Variants in CLYBL observed in about 807,000 individuals in gnomAD.
The protein encoded by CLYBL is citramalyl-CoA lyase, mitochondrial.
A neutral mutation model predicts 38.9 loss-of-function variants in CLYBL; 31 were observed. The ratio of observed to expected loss-of-function variants is 0.80; its 90% CI spans 0.60 to 1.08. CLYBL has a LOEUF of 1.08. Among genes scored for constraint, CLYBL ranks in the 50% least tolerant of loss-of-function variants. CLYBL has a pLI of 0.00. For synonymous variants in CLYBL, 171 were observed against 158.6 expected (o/e 1.08, Z -0.59); for missense variants, 434 against 411.6 (o/e 1.05, Z -0.47).
intron 1 of CLYBL, among the ~76,000 whole-genome samples, chr13:99,653,501 A>T (rs144948094): frequency 6.6e-6 from 1 of 152,288 alleles, no homozygotes; most frequent in East Asian, 1.9e-4. Context: ...TCCAAAGATC[A>T]TGGTGCTTGT....
intron 1 of CLYBL, among the ~76,000 whole-genome samples, chr13:99,736,723 T>C (rs1007736354): frequency 2.0e-5 from 3 of 152,196 alleles, no homozygotes; most frequent in Non-Finnish European, 4.4e-5. Flanking sequence ...CAGATTTCAC[T>C]GTCACTCCTC....
At chr13:99,634,390 A>T (rs546940348) in intron 1 of CLYBL, among the ~76,000 whole-genome samples, 1 of 152,372 alleles carries the variant, frequency 6.6e-6, no homozygotes, top group Admixed American at 6.5e-5. Flanking sequence ...CCCAGATGAT[A>T]ACTTGGATCT....
In CLYBL at chr13:99,874,316, G is replaced by A. The variant is rs534348982; in HGVS notation, c.927+3254G>A. On this transcript the variant is annotated intron_variant, in intron 7 of 8. Transcript: ENST00000339105. ...AGAAAAATGTTTTTTGAGATACAAC[G>A]TGCATACCATTAATTATTTTAGTTT... Among the ~76,000 whole-genome samples, 41 of 152,210 alleles carry A rather than the reference G, an allele frequency of 2.7e-4. No homozygotes were observed. In the South Asian group the frequency reaches 6.8e-3, roughly 25 times the overall value.
Position 99,859,271 on chromosome 13 carries a change from C to T in CLYBL, c.438+222C>T, listed in dbSNP as rs144158107. Among the ~76,000 whole-genome samples, 491 of 152,328 alleles carry T rather than the reference C, an allele frequency of 3.2e-3. 4 individuals carry two copies. The highest frequency in any genetic ancestry group is 0.011 in the African/African-American group (467 of 41,566). Reference sequence around the variant, plus strand: ...CAACTGCACTTTTGAAATGATGCTTCGCTTCCTAATTGGATGTGTGGTTTG... The same window carrying T: ...CAACTGCACTTTTGAAATGATGCTTTGCTTCCTAATTGGATGTGTGGTTTG... On this transcript the variant is annotated intron_variant, in intron 3 of 8. Coordinates refer to ENST00000339105, the MANE Select transcript of CLYBL (RefSeq NM_206808.5).
chr13:99,726,704 C>G (rs2048479052), intron 1 of CLYBL: 2 of 152,484 alleles, frequency 1.3e-5, no homozygotes, highest in South Asian at 4.1e-4. Context: ...GTGCGTCCCC[C>G]CATGAGCGCC....
chr13:99,900,173 C>A (rs183569955), downstream of CLYBL, among the ~76,000 whole-genome samples: 1 of 145,338 alleles, frequency 6.9e-6, no homozygotes, highest in Non-Finnish European at 1.5e-5. Flanking sequence ...GTGATCCACC[C>A]GCCTCGGCCT....
chr13:99,885,490 AG>A (rs1411933570), intron 7 of CLYBL, among the ~76,000 whole-genome samples: 1 of 152,206 alleles, frequency 6.6e-6, no homozygotes, highest in Non-Finnish European at 1.5e-5. Context: ...GCAAGTCCAA[AG>A]AAAACCATGG....
intron 1 of CLYBL, among the ~76,000 whole-genome samples, chr13:99,608,390 C>T (rs1006414463): frequency 6.6e-6 from 1 of 152,170 alleles, no homozygotes; most frequent in East Asian, 1.9e-4. Context: ...GAACTTCTTA[C>T]GTCTTCTTGC....
intron 6 of CLYBL, 103 bp from the exon 7 acceptor site, chr13:99,870,835 A>G: frequency 8.5e-7 from 1 of 1,171,062 alleles, no homozygotes; most frequent in Non-Finnish European, 1.2e-6. Context: ...TAGTTATTTA[A>G]CATACAGTCT....
chr13:99,680,969 G>T (rs1291527292), intron 1 of CLYBL, among the ~76,000 whole-genome samples: 1 of 152,206 alleles, frequency 6.6e-6, no homozygotes, highest in Non-Finnish European at 1.5e-5. Context: ...GGAAGAAAAA[G>T]ATAATTTGAG....
At chr13:99,823,884 T>A (rs1395391581) in intron 2 of CLYBL, among the ~76,000 whole-genome samples, 1 of 152,246 alleles carries the variant, frequency 6.6e-6, no homozygotes. Flanking sequence ...GTTCTGGTAG[T>A]TTCCCATTCT....
intron 1 of CLYBL, among the ~76,000 whole-genome samples, chr13:99,694,084 G>A (rs1264888851): frequency 6.6e-6 from 1 of 152,186 alleles, no homozygotes; most frequent in African/African-American, 2.4e-5. Context: ...TATGGCTGGC[G>A]CAAACCTCCA....
chr13:99,873,457 A>G (rs2051960767), intron 7 of CLYBL, among the ~76,000 whole-genome samples: 1 of 152,238 alleles, frequency 6.6e-6, no homozygotes, highest in Non-Finnish European at 1.5e-5. Context: ...GACTCTCTCA[A>G]AGATAGGAAA....
intron 1 of CLYBL, among the ~76,000 whole-genome samples, chr13:99,770,228 C>T (rs1222230994): frequency 6.6e-6 from 1 of 152,076 alleles, no homozygotes; most frequent in African/African-American, 2.4e-5. Context: ...GCTGGAATTA[C>T]AGGCGCCCGC....
chr13:99,808,647 T>C (rs1036457407), intron 2 of CLYBL, among the ~76,000 whole-genome samples: 1 of 152,240 alleles, frequency 6.6e-6, no homozygotes, highest in Non-Finnish European at 1.5e-5. Context: ...ATGGTGCCAA[T>C]TGAGGTTTCA....
intron 2 of CLYBL, among the ~76,000 whole-genome samples, chr13:99,840,750 C>CAAAAAAAAAAAAAAAA (rs59274056): frequency 5.9e-5 from 1 of 16,814 alleles, no homozygotes; most frequent in African/African-American, 2.3e-4. Context: ...ACCCTTGTCT[C>CAAAAAAAAAAAAAAAA]AAAAAAAAAA....
intron 7 of CLYBL, among the ~76,000 whole-genome samples, chr13:99,890,944 A>C (rs923691808): frequency 9.2e-5 from 14 of 152,208 alleles, no homozygotes; most frequent in African/African-American, 3.4e-4. Context: ...TTAAAACAAT[A>C]ATCAGTTGCC....
intron 1 of CLYBL, among the ~76,000 whole-genome samples, chr13:99,699,373 G>A (rs2048026755): frequency 1.3e-5 from 2 of 150,444 alleles, no homozygotes; most frequent in African/African-American, 4.9e-5. Context: ...CAATAAGAGC[G>A]AAACTCCGGT....
At chr13:99,830,221 T>C (rs924935441) in intron 2 of CLYBL, among the ~76,000 whole-genome samples, 3 of 152,190 alleles carry the variant, frequency 2.0e-5, no homozygotes, top group Non-Finnish European at 2.9e-5. Context: ...TAAAAATGCA[T>C]TTTCTGCATG....
Sources: gnomAD v4.1 joint callset for allele counts (sites outside exome capture counted in the v4.1 genomes callset) on GRCh38, gnomAD v4.1.1 for gene constraint, MANE v1.5 for transcripts, NCBI Gene and HGNC (gene_info 2026-07-23, HGNC 2026-07-21) for gene names.